Variants in GLDC observed in about 807,000 individuals in gnomAD.
GLDC encodes glycine dehydrogenase (decarboxylating), mitochondrial.
A neutral mutation model predicts 121.3 loss-of-function variants in GLDC; 104 were observed. The observed-to-expected ratio is 0.86, with a 90% CI of 0.73 to 1.01. GLDC has a LOEUF of 1.01. Among genes scored for constraint, GLDC ranks in the 50% least tolerant of loss-of-function variants. The probability of loss-of-function intolerance (pLI) is 0.00; values close to 1 mark genes in which losing one functional copy is unlikely to be tolerated. For missense variants in GLDC, 1,429 were observed against 1,306.6 expected, an observed-to-expected ratio of 1.09 and a Z score of -1.44; for synonymous variants, 546 against 480.6, an observed-to-expected ratio of 1.14 and a Z score of -1.78.
chr9:6,556,590 C>T (rs1330345439), intron 17 of GLDC, among the ~76,000 whole-genome samples: 2 of 152,070 alleles, frequency 1.3e-5, no homozygotes, highest in Non-Finnish European at 2.9e-5. Flanking sequence ...GTCAAGAATT[C>T]GAGACCAGCC....
intron 7 of GLDC, among the ~76,000 whole-genome samples, chr9:6,604,226 A>G (rs571294441): frequency 6.6e-6 from 1 of 152,310 alleles, no homozygotes; most frequent in African/African-American, 2.4e-5. Flanking sequence ...TTGCAGTCTC[A>G]GTGCATTTGT....
intron 16 of GLDC, among the ~76,000 whole-genome samples, chr9:6,563,655 C>G (rs58845338): frequency 1.7e-3 from 261 of 152,284 alleles, no homozygotes; most frequent in African/African-American, 6.0e-3. Flanking sequence ...AATTATAGTT[C>G]TAAACTAATC....
intron 2 of GLDC, among the ~76,000 whole-genome samples, chr9:6,624,377 G>A (rs1472067984): frequency 6.6e-6 from 1 of 152,118 alleles, no homozygotes; most frequent in Admixed American, 6.6e-5. Flanking sequence ...AGCAAAATTG[G>A]GACACACAGA....
intron 4 of GLDC, among the ~76,000 whole-genome samples, chr9:6,606,892 A>C (rs1442708172): frequency 6.6e-6 from 1 of 151,446 alleles, no homozygotes. Context: ...GGCCAACGTG[A>C]TAAAACCTCG....
intron 15 of GLDC, chr9:6,565,899 C>T: frequency 3.8e-6 from 1 of 262,742 alleles, no homozygotes; most frequent in Non-Finnish European, 7.3e-6. Context: ...ATCCTATCAT[C>T]AGTTCAAATG....
chr9:6,538,958 T>C (rs1817195806), intron 22 of GLDC, among the ~76,000 whole-genome samples: 2 of 152,214 alleles, frequency 1.3e-5, no homozygotes, highest in Admixed American at 6.5e-5. Flanking sequence ...TGTAACTGCA[T>C]AATAAGATCA....
intron 2 of GLDC, chr9:6,639,270 A>G (rs773533743): frequency 2.2e-6 from 2 of 900,712 alleles, no homozygotes; most frequent in Non-Finnish European, 3.7e-6. Flanking sequence ...TCCGCACATC[A>G]CCCACCTTCC....
chr9:6,587,407 T>C, intron 14 of GLDC, 124 bp from the exon 15 acceptor site: 1 of 721,744 alleles, frequency 1.4e-6, no homozygotes, highest in Non-Finnish European at 2.4e-6. Flanking sequence ...GCGCTATACA[T>C]ATGTTAATTT....
In GLDC at chr9:6,643,888, G is replaced by T. The variant is rs189053295; in HGVS notation, c.334+726C>A. On this transcript the variant is annotated intron_variant, in intron 2 of 24. Transcript: ENST00000321612. The stretch of plus-strand genomic sequence containing the variant: ...GTCTCTAATAAAAATATAAAAATGA[G>T]CCTGGTGTGGTGGTGCGCCCCTGTA... Among the ~76,000 whole-genome samples the T allele has an allele frequency of 3.7e-3, 558 of 151,556 alleles. 3 individuals carry two copies. Among genetic ancestry groups the T allele is most frequent in the Middle Eastern group, 6.8e-3 (2 of 292 alleles).
Position 6,645,256 on chromosome 9 carries a change from A to T in GLDC, c.244T>A (p.Leu82Met). 1.9e-6 allele frequency: 3 copies of T among 1,598,802 alleles called. No individual in the cohort carries two copies. The highest frequency in any genetic ancestry group is 2.3e-5 in the East Asian group (1 of 43,504). The change falls in exon 1 of 25, where the codon TTG (leucine) becomes ATG (methionine). Residue 82 changes from leucine (L) to methionine (M), a missense_variant. Transcript: ENST00000321612. ...DKDQREMLQT[L>M]GLASIDELIE... Reference sequence around the variant, plus strand: ...GTGGAGGTCCTTACCGCCAGCCCCAAGGTCTGCAGCATCTCTCTCTGGTCT... The same window carrying T: ...GTGGAGGTCCTTACCGCCAGCCCCATGGTCTGCAGCATCTCTCTCTGGTCT...
intron 21 of GLDC, among the ~76,000 whole-genome samples, chr9:6,547,699 CA>C (rs747445821): frequency 6.6e-6 from 1 of 152,066 alleles, no homozygotes; most frequent in African/African-American, 2.4e-5. Flanking sequence ...GTAATAAATG[CA>C]AACAAAGGGA....
intron 17 of GLDC, among the ~76,000 whole-genome samples, chr9:6,556,595 C>G (rs1370174094): frequency 6.6e-6 from 1 of 152,104 alleles, no homozygotes; most frequent in African/African-American, 2.4e-5. Context: ...GAATTCGAGA[C>G]CAGCCTGGCC....
At chr9:6,540,258 G>A (rs538476611) in intron 21 of GLDC, 112 bp from the exon 22 acceptor site, 22 of 763,678 alleles carry the variant, frequency 2.9e-5, no homozygotes, top group African/African-American at 1.6e-4. Flanking sequence ...GTGTATCAGC[G>A]AGGACCAAGA....
chr9:6,555,211 C>T (rs370465540), intron 18 of GLDC, among the ~76,000 whole-genome samples: 14 of 152,252 alleles, frequency 9.2e-5, no homozygotes, highest in East Asian at 3.9e-4. Flanking sequence ...CGAACGGCCC[C>T]GTTGGGCACA....
chr9:6,645,583 C>T lies in GLDC; in HGVS notation c.-84G>A, dbSNP rs1038002663. ...CTCCTGGCCTCGGTCCCCCGGGTGG[C>T]GGCTGCGCCCGGCCTGGAGCCCCTT... On this transcript the variant is annotated 5_prime_UTR_variant, in exon 1 of 25. Transcript: ENST00000321612. 1 of 1,007,716 alleles carries T rather than the reference C, an allele frequency of 9.9e-7. No homozygotes were observed. Among genetic ancestry groups the T allele is most frequent in the Non-Finnish European group, 1.3e-6 (1 of 785,898 alleles). 62.4% of individuals were successfully genotyped at this position (1,007,716 alleles called of 1,614,324 possible). A position where few individuals can be genotyped will look rare whatever the true frequency, so the allele number is the denominator to read the frequency against.
intron 8 of GLDC, 125 bp from the exon 9 acceptor site, chr9:6,595,244 T>A: frequency 1.3e-6 from 1 of 766,732 alleles, no homozygotes; most frequent in Non-Finnish European, 2.3e-6. Context: ...TTTCCTACAT[T>A]CTTTGATAGT....
chr9:6,608,029 A>C (rs1486407805), intron 4 of GLDC, among the ~76,000 whole-genome samples: 1 of 152,018 alleles, frequency 6.6e-6, no homozygotes, highest in Non-Finnish European at 1.5e-5. Flanking sequence ...GGGATGAGGC[A>C]AGAGGATTAC....
At chr9:6,547,378 C>T (rs1435289229) in intron 21 of GLDC, among the ~76,000 whole-genome samples, 2 of 152,136 alleles carry the variant, frequency 1.3e-5, no homozygotes, top group Non-Finnish European at 2.9e-5. Context: ...AAACATTGAG[C>T]GCATTGGCTA....
At chr9:6,629,569 G>A (rs1446823093) in intron 2 of GLDC, among the ~76,000 whole-genome samples, 1 of 151,430 alleles carries the variant, frequency 6.6e-6, no homozygotes. Context: ...TCATTAAAAT[G>A]GACAGGCAAT....
Sources: gnomAD v4.1 joint callset for allele counts (sites outside exome capture counted in the v4.1 genomes callset) on GRCh38, gnomAD v4.1.1 for gene constraint, MANE v1.5 for transcripts, NCBI Gene and HGNC (gene_info 2026-07-23, HGNC 2026-07-21) for gene names.